Variants in SSUH2 observed in about 807,000 individuals in gnomAD.
SSUH2 encodes ssu-2 homolog, also known as protein SSUH2 homolog.
A neutral mutation model predicts 55.3 loss-of-function variants in SSUH2; 47 were observed. That is an observed-to-expected ratio of 0.85 (90% confidence interval 0.67 to 1.08). SSUH2 has a LOEUF of 1.08. Ranked by LOEUF, SSUH2 falls within the 50% of genes least tolerant of loss-of-function variation. The probability of loss-of-function intolerance (pLI) is 0.00; values close to 1 mark genes in which losing one functional copy is unlikely to be tolerated. For synonymous variants in SSUH2, 212 were observed against 191.5 expected (o/e 1.11, Z -0.89); for missense variants, 535 against 490.7 (o/e 1.09, Z -0.85).
intron 7 of SSUH2, chr3:8,651,939 C>G (rs1300631350): frequency 1.3e-5 from 2 of 152,546 alleles, no homozygotes; most frequent in African/African-American, 2.4e-5. Context: ...TCCTGCCAAT[C>G]TCTCCTCCCT....
chr3:8,625,415 G>A lies in SSUH2; in HGVS notation c.873+127C>T, dbSNP rs139173339. On this transcript the variant is annotated intron_variant, in intron 10 of 11. Coordinates refer to ENST00000544814, the MANE Select transcript of SSUH2 (RefSeq NM_001256748.3). ...CCCCACAGCCTTATCCATGTCTGGGGAGCTCTGCTCCTACACAACCTGTCC... is the reference window on the plus strand; with the variant it reads ...CCCCACAGCCTTATCCATGTCTGGGAAGCTCTGCTCCTACACAACCTGTCC... 5.9e-3 allele frequency: 3,655 copies of A among 617,030 alleles called. 20 individuals are homozygous for A. The highest frequency in any genetic ancestry group is 9.9e-3 in the Middle Eastern group (24 of 2,414). The allele number at this position is 617,030 out of a possible 1,614,324, so 38.2% of individuals were successfully genotyped here.
chr3:8,660,628 C>T (rs959546896), intron 6 of SSUH2, among the ~76,000 whole-genome samples: 1 of 151,768 alleles, frequency 6.6e-6, no homozygotes, highest in African/African-American at 2.4e-5. Flanking sequence ...TTCTTAAGTA[C>T]AGCTGTGTTT....
At position 8,635,283 on chromosome 3, in the gene SSUH2, T is replaced by C. The variant is rs1223938649; in HGVS notation, c.209+17A>G. 2.6e-6 allele frequency: 4 copies of C among 1,529,774 alleles called. No individual in the cohort carries two copies. Among genetic ancestry groups the C allele is most frequent in the Non-Finnish European group, 3.5e-6 (4 of 1,142,224 alleles). 94.8% of individuals were successfully genotyped at this position (1,529,774 alleles called of 1,614,324 possible). ...ATAGGAAATGCACACAGTCACAGAG[T>C]ACAACCTGAAACTCACCTGTGTTCC... On this transcript the variant is annotated intron_variant, in intron 3 of 11. Transcript: ENST00000544814.
chr3:8,675,215 T>C (rs376203258), intron 3 of SSUH2, among the ~76,000 whole-genome samples: 18 of 152,336 alleles, frequency 1.2e-4, no homozygotes, highest in African/African-American at 4.3e-4. Context: ...GACGCTTTCT[T>C]TCCTATCAGA....
intron 7 of SSUH2, among the ~76,000 whole-genome samples, chr3:8,658,088 A>T (rs1400822385): frequency 6.6e-6 from 1 of 152,190 alleles, no homozygotes; most frequent in Non-Finnish European, 1.5e-5. Flanking sequence ...TAGCTGGGTA[A>T]CCCTGGGCAG....
intron 9 of SSUH2, 71 bp from the exon 10 acceptor site, chr3:8,625,718 AC>A: frequency 9.2e-7 from 1 of 1,092,218 alleles, no homozygotes; most frequent in African/African-American, 1.5e-5. Flanking sequence ...TTGCAATCAG[AC>A]AGACCTGGGG....
intron 6 of SSUH2, among the ~76,000 whole-genome samples, chr3:8,662,558 G>A (rs116287104): frequency 6.6e-6 from 1 of 152,222 alleles, no homozygotes; most frequent in Non-Finnish European, 1.5e-5. Flanking sequence ...TGCTATGTGT[G>A]TTAGCAAAAT....
At chr3:8,660,875 C>T (rs1011207850) in intron 6 of SSUH2, among the ~76,000 whole-genome samples, 4 of 152,328 alleles carry the variant, frequency 2.6e-5, no homozygotes, top group South Asian at 2.1e-4. Flanking sequence ...TCCTGTTCTC[C>T]GTATCAGTCT....
At chr3:8,648,210 T>G (rs1053111690), upstream of SSUH2, among the ~76,000 whole-genome samples, 2 of 152,112 alleles carry the variant, frequency 1.3e-5, no homozygotes, top group African/African-American at 2.4e-5. Flanking sequence ...CTTAGAGAGG[T>G]TGAGTGACTT....
In SSUH2 at chr3:8,629,676, G is replaced by A. The variant is rs766073066; in HGVS notation, c.576C>T (p.His192=). Reference sequence around the variant, plus strand: ...ACAGATGACTCACCGTGCCCGCCCCGTGGCAGCCGCTGCACTTGTACCGCC... The same window carrying A: ...ACAGATGACTCACCGTGCCCGCCCCATGGCAGCCGCTGCACTTGTACCGCC... ...GRGRYKCSGC[H]GAGTVRCPSC... The change falls in exon 7 of 12, where the codon CAC becomes CAT. Residue 192 remains histidine (H), a synonymous_variant. Transcript: ENST00000544814. The A allele has an allele frequency of 3.7e-5, 60 of 1,614,144 alleles. No individual in the cohort carries two copies. Among genetic ancestry groups the A allele is most frequent in the East Asian group, 2.0e-4 (9 of 44,868 alleles).
chr3:8,676,961 CT>C (rs539561962), intron 3 of SSUH2, among the ~76,000 whole-genome samples: 2 of 146,368 alleles, frequency 1.4e-5, no homozygotes, highest in Non-Finnish European at 3.1e-5. Flanking sequence ...AGGCATCCCC[CT>C]GTGAGGCGGG....
intron 11 of SSUH2, among the ~76,000 whole-genome samples, chr3:8,621,149 G>A (rs1696352628): frequency 6.6e-6 from 1 of 152,190 alleles, no homozygotes; most frequent in Admixed American, 6.5e-5. Flanking sequence ...TGGACTTCCT[G>A]TGGGCCGGGC....
intron 1 of SSUH2, among the ~76,000 whole-genome samples, chr3:8,637,092 T>C (rs1166986123): frequency 1.3e-5 from 2 of 152,216 alleles, no homozygotes; most frequent in African/African-American, 4.8e-5. Context: ...ATGGGTCTTT[T>C]CCTAGGCTAG....
intron 10 of SSUH2, among the ~76,000 whole-genome samples, chr3:8,625,220 A>C (rs953439574): frequency 6.6e-6 from 1 of 151,650 alleles, no homozygotes; most frequent in Non-Finnish European, 1.5e-5. Context: ...GAAGGAGGGG[A>C]TGAGGAAGAA....
exon 4 of SSUH2, chr3:8,672,029 C>T (rs189054024): frequency 5.3e-5 from 8 of 152,258 alleles, no homozygotes; most frequent in African/African-American, 1.9e-4. Flanking sequence ...ATAGCATCCT[C>T]TTGCCCCTGG....
chr3:8,667,780 T>C (rs767111795), intron 5 of SSUH2, among the ~76,000 whole-genome samples: 1 of 152,160 alleles, frequency 6.6e-6, no homozygotes, highest in Non-Finnish European at 1.5e-5. Flanking sequence ...AGCCCCACCC[T>C]GAACCTATCA....
intron 3 of SSUH2, among the ~76,000 whole-genome samples, chr3:8,676,646 A>G (rs1214975774): frequency 2.0e-5 from 3 of 150,922 alleles, no homozygotes; most frequent in Non-Finnish European, 4.4e-5. Flanking sequence ...ATATCTGCCT[A>G]TTATGGGGAG....
intron 1 of SSUH2, among the ~76,000 whole-genome samples, chr3:8,636,993 T>C (rs143369819): frequency 0.014 from 2,191 of 152,302 alleles, 25 homozygotes; most frequent in Non-Finnish European, 0.019. Flanking sequence ...AGTCCCCAAC[T>C]TAGGATGTTT....
chr3:8,672,669 T>C (rs1704726561), intron 3 of SSUH2, among the ~76,000 whole-genome samples: 1 of 152,046 alleles, frequency 6.6e-6, no homozygotes, highest in African/African-American at 2.4e-5. Flanking sequence ...AGAAGGTGGG[T>C]GTACACAGCC....
Sources: allele counts gnomAD v4.1 joint callset (sites outside exome capture counted in the v4.1 genomes callset), GRCh38; gene constraint gnomAD v4.1.1; transcripts MANE v1.5; gene names NCBI Gene and HGNC (gene_info 2026-07-23, HGNC 2026-07-21).